The following CSMD1 variants were observed in gnomAD, a reference collection of about 807,000 sequenced individuals.
CSMD1 encodes CUB and Sushi multiple domains 1.
Under a neutral mutation model 417.5 loss-of-function variants are expected in CSMD1, and 213 were observed. That is an observed-to-expected ratio of 0.51 (90% confidence interval 0.46 to 0.57). The LOEUF (loss-of-function observed/expected upper bound fraction) is 0.57. Among genes scored for constraint, CSMD1 ranks in the 20% least tolerant of loss-of-function variants. The pLI is 0.00. For missense variants in CSMD1, 6,923 were observed against 4,529.7 expected, an observed-to-expected ratio of 1.53 and a Z score of -15.17; for synonymous variants, 2,862 against 1,736.8, an observed-to-expected ratio of 1.65 and a Z score of -16.11.
chr8:3,275,025 G>A (rs1438891027), intron 26 of CSMD1, among the ~76,000 whole-genome samples: 8 of 151,712 alleles, frequency 5.3e-5, no homozygotes, highest in Admixed American at 3.9e-4. Flanking sequence ...TCCTAGCCTT[G>A]ATGGTCTTTA....
intron 3 of CSMD1, among the ~76,000 whole-genome samples, chr8:4,117,682 T>G (rs1269894331): frequency 6.6e-6 from 1 of 152,182 alleles, no homozygotes; most frequent in Non-Finnish European, 1.5e-5. Context: ...ACTGTATACC[T>G]GACACTGGCC....
intron 2 of CSMD1, among the ~76,000 whole-genome samples, chr8:4,436,526 G>C (rs1585071969): frequency 2.6e-5 from 4 of 152,164 alleles, no homozygotes; most frequent in Admixed American, 2.6e-4. Flanking sequence ...TATCCTTCAA[G>C]TAACAAACAA....
chr8:3,854,153 TAATAATA>T (rs2129101835), intron 5 of CSMD1, among the ~76,000 whole-genome samples: 1 of 108,842 alleles, frequency 9.2e-6, no homozygotes, highest in South Asian at 2.6e-4. Context: ...TAAAGTATAA[TAATAATA>T]AAAAAAAAAA....
intron 3 of CSMD1, among the ~76,000 whole-genome samples, chr8:4,365,533 A>G (rs1416816897): frequency 6.6e-6 from 1 of 152,220 alleles, no homozygotes; most frequent in Non-Finnish European, 1.5e-5. Context: ...ATTCCCTGTG[A>G]TATCAGAGAC....
At chr8:3,894,221 G>T (rs1807191853) in intron 5 of CSMD1, among the ~76,000 whole-genome samples, 1 of 152,102 alleles carries the variant, frequency 6.6e-6, no homozygotes, top group African/African-American at 2.4e-5. Context: ...AGACAAGAAC[G>T]CAGGTATCAC....
At chr8:3,444,369 T>G (rs1247448301) in intron 12 of CSMD1, among the ~76,000 whole-genome samples, 1 of 152,316 alleles carries the variant, frequency 6.6e-6, no homozygotes, top group South Asian at 2.1e-4. Flanking sequence ...TCAACAAAGA[T>G]AATACATTCC....
intron 23 of CSMD1, among the ~76,000 whole-genome samples, chr8:3,336,866 G>A (rs571170293): frequency 6.6e-6 from 1 of 152,256 alleles, no homozygotes; most frequent in Admixed American, 6.5e-5. Flanking sequence ...TCTGTAGCAT[G>A]TCTGAGATGG....
chr8:4,037,597 AAGG>A (rs1211905677), intron 3 of CSMD1, among the ~76,000 whole-genome samples: 1 of 123,870 alleles, frequency 8.1e-6, no homozygotes, highest in Non-Finnish European at 1.7e-5. Flanking sequence ...TTGCAATGGA[AAGG>A]AGAATGGACT....
chr8:3,170,629 G>T (rs751148422), intron 37 of CSMD1, among the ~76,000 whole-genome samples: 39 of 152,178 alleles, frequency 2.6e-4, no homozygotes, highest in Non-Finnish European at 4.7e-4. Context: ...CCTAAAGATT[G>T]ATCTTGAATG....
At chr8:4,441,769 G>T (rs934489130) in intron 2 of CSMD1, among the ~76,000 whole-genome samples, 1 of 152,092 alleles carries the variant, frequency 6.6e-6, no homozygotes, top group Non-Finnish European at 1.5e-5. Flanking sequence ...CCATTTGACT[G>T]ACTAATCTTG....
intron 21 of CSMD1, among the ~76,000 whole-genome samples, chr8:3,351,880 C>T (rs1470543890): frequency 1.3e-5 from 2 of 151,792 alleles, no homozygotes; most frequent in Admixed American, 6.6e-5. Flanking sequence ...CATAGAATCA[C>T]ATTTTTAAAA....
chr8:4,180,652 C>T lies in CSMD1; in HGVS notation c.416-148553G>A, dbSNP rs547860243. ...AAAACAAAACAAAAGAAGTTCTAATCCTGCCCTGCCAGCACTGGCCATATG... is the reference window on the plus strand; with the variant it reads ...AAAACAAAACAAAAGAAGTTCTAATTCTGCCCTGCCAGCACTGGCCATATG... On this transcript the variant is annotated intron_variant, in intron 3 of 69. Coordinates refer to ENST00000635120, the MANE Select transcript of CSMD1 (RefSeq NM_033225.6). Among the ~76,000 whole-genome samples the T allele has an allele frequency of 1.3e-4, 20 of 152,086 alleles. 1 individual carries two copies. The South Asian group carries it at 4.2e-3, about 32-fold the overall frequency.
chr8:4,665,145 G>A (rs1249596417), intron 1 of CSMD1, among the ~76,000 whole-genome samples: 1 of 152,002 alleles, frequency 6.6e-6, no homozygotes, highest in East Asian at 1.9e-4. Context: ...TAAACCTCCT[G>A]CATTTTTTGC....
intron 1 of CSMD1, among the ~76,000 whole-genome samples, chr8:4,694,244 G>C (rs187072548): frequency 6.6e-6 from 1 of 152,310 alleles, no homozygotes; most frequent in East Asian, 1.9e-4. Flanking sequence ...AAACTCAAAA[G>C]AATGTAACAG....
chr8:3,606,429 T>C (rs929491832), intron 8 of CSMD1, among the ~76,000 whole-genome samples: 1 of 152,104 alleles, frequency 6.6e-6, no homozygotes, highest in Non-Finnish European at 1.5e-5. Context: ...TGTTCGTATA[T>C]CTAAGTATAC....
intron 1 of CSMD1, among the ~76,000 whole-genome samples, chr8:4,842,691 C>A (rs1185020424): frequency 6.6e-6 from 1 of 152,166 alleles, no homozygotes; most frequent in Non-Finnish European, 1.5e-5. Context: ...TTAATAAAAA[C>A]AATTATTATG....
At chr8:3,028,901 G>C (rs1281987577) in intron 51 of CSMD1, among the ~76,000 whole-genome samples, 4 of 152,120 alleles carry the variant, frequency 2.6e-5, no homozygotes, top group Non-Finnish European at 5.9e-5. Flanking sequence ...TTGTACCTAA[G>C]AGAATAATCA....
chr8:4,153,567 G>C (rs866912146), intron 3 of CSMD1, among the ~76,000 whole-genome samples: 15 of 152,182 alleles, frequency 9.9e-5, no homozygotes, highest in Non-Finnish European at 2.1e-4. Context: ...CGCAATCATG[G>C]GAAATGCTGC....
intron 2 of CSMD1, among the ~76,000 whole-genome samples, chr8:4,625,257 C>T (rs536285125): frequency 2.0e-5 from 3 of 152,112 alleles, no homozygotes; most frequent in South Asian, 2.1e-4. Context: ...CTGCTTGGAA[C>T]GCCAGTTAAT....
Sources: gnomAD v4.1 joint callset for allele counts (sites outside exome capture counted in the v4.1 genomes callset) on GRCh38, gnomAD v4.1.1 for gene constraint, MANE v1.5 for transcripts, NCBI Gene and HGNC (gene_info 2026-07-23, HGNC 2026-07-21) for gene names.